CFAP100: variants seen among roughly 807,000 people sequenced by gnomAD.
The protein encoded by CFAP100 is cilia- and flagella-associated protein 100.
Under a neutral mutation model 81.5 loss-of-function variants are expected in CFAP100, and 70 were observed. The ratio of observed to expected loss-of-function variants is 0.86; its 90% CI spans 0.71 to 1.05. The LOEUF (loss-of-function observed/expected upper bound fraction) is 1.05, where lower values mean the gene tolerates loss of function less well. Ranked by LOEUF, CFAP100 falls within the 50% of genes least tolerant of loss-of-function variation. The pLI is 0.00. For missense variants in CFAP100, 811 were observed against 776.5 expected, an observed-to-expected ratio of 1.04 and a Z score of -0.53; for synonymous variants, 341 against 314.8, an observed-to-expected ratio of 1.08 and a Z score of -0.88.
In CFAP100 at chr3:126,419,987, G is replaced by T; in HGVS notation, c.921G>T (p.Gly307=). 1 of 1,613,114 alleles carries T rather than the reference G, an allele frequency of 6.2e-7. No homozygotes were observed. The highest frequency in any genetic ancestry group is 8.5e-7 in the Non-Finnish European group (1 of 1,179,960). Residue 307 remains glycine (G), a synonymous_variant, in exon 10 of 17, where the codon GGG becomes GGT. Coordinates refer to ENST00000352312, the MANE Select transcript of CFAP100 (RefSeq NM_182628.3). ...VNSTPGDKGP[G]IKGKASSMWA... ...CCCCTTTGCTTCCTGCAGGACCAGG[G>T]ATCAAGGGCAAGGCGAGCTCCATGT... is the stretch of plus-strand genomic sequence containing the variant.
At chr3:126,410,557 AG>A (rs900222999) in intron 3 of CFAP100, among the ~76,000 whole-genome samples, 113 of 151,614 alleles carry the variant, frequency 7.5e-4, no homozygotes, top group African/African-American at 2.6e-3. Flanking sequence ...GCTGGAGTGC[AG>A]TGGTGCCATC....
chr3:126,420,611 G>A (rs1560075611), intron 11 of CFAP100: 1 of 205,512 alleles, frequency 4.9e-6, no homozygotes, highest in Non-Finnish European at 9.9e-6. Flanking sequence ...CAGTGGATTG[G>A]GTGGTTTGCA....
chr3:126,418,978 C>T, intron 7 of CFAP100, 98 bp from the exon 8 acceptor site: 2 of 990,734 alleles, frequency 2.0e-6, no homozygotes, highest in South Asian at 1.7e-5. Context: ...GGAGCCGGGC[C>T]CAGCCCTGGG....
In CFAP100 at chr3:126,423,321, G is replaced by T; in HGVS notation, c.1083-4G>T. On this transcript the variant is annotated splice_region_variant and splice_polypyrimidine_tract_variant and intron_variant, in intron 11 of 16. Coordinates refer to ENST00000352312, the MANE Select transcript of CFAP100 (RefSeq NM_182628.3). ...AGAGTCCCGACCCTGCCATCTCTTC[G>T]CAGGTCGAACTCTCCCATCCCCCCC... The T allele has an allele frequency of 6.2e-7, 1 of 1,612,454 alleles. No homozygotes were observed. Among genetic ancestry groups the T allele is most frequent in the Admixed American group, 1.7e-5 (1 of 59,864 alleles).
At chr3:126,428,982 G>C (rs1395909981) in intron 13 of CFAP100, among the ~76,000 whole-genome samples, 1 of 151,902 alleles carries the variant, frequency 6.6e-6, no homozygotes, top group African/African-American at 2.4e-5. Context: ...GGTTGTGCAT[G>C]CCTGTAGTTC....
In CFAP100 at chr3:126,416,369, G is replaced by C; in HGVS notation, c.279G>C (p.Ser93=). The C allele has an allele frequency of 1.9e-6, 3 of 1,611,256 alleles. No homozygotes were observed. The highest frequency in any genetic ancestry group is 1.3e-5 in the African/African-American group (1 of 74,936). Residue 93 remains serine, a synonymous_variant, in exon 5 of 17, where the codon TCG becomes TCC. Transcript: ENST00000352312. ...MRVHQKMTYS[S]KVSAKHTSLR... ...TGCACCAGAAGATGACCTACTCCTC[G>C]AAAGTGTCGGCTAAGCACACCAGCC...
At chr3:126,433,506 T>C in intron 14 of CFAP100, 1 of 332,602 alleles carries the variant, frequency 3.0e-6, no homozygotes, top group East Asian at 6.4e-5. Flanking sequence ...AGGCGTGTCC[T>C]CAAGCCAGGC....
chr3:126,426,013 G>T (rs114808911), intron 13 of CFAP100, among the ~76,000 whole-genome samples: 5,145 of 152,252 alleles, frequency 0.034, 99 homozygotes, highest in Middle Eastern at 0.048. Flanking sequence ...AGGCAAAGAG[G>T]TCTTCTCTCA....
Position 126,434,359 on chromosome 3 carries a change from A to G in CFAP100, c.1606A>G (p.Lys536Glu). 1 of 1,613,816 alleles carries G rather than the reference A, an allele frequency of 6.2e-7. No individual in the cohort carries two copies. The highest frequency in any genetic ancestry group is 8.5e-7 in the Non-Finnish European group (1 of 1,179,928). ...QVKIEQAERA[K>E]EKERRIRLRE... ...CAAGATCGAGCAGGCCGAGAGGGCA[A>G]AGGAGAAGGAGCGGCGCATCAGGTG... is the stretch of plus-strand genomic sequence containing the variant. The change falls in exon 15 of 17, where the codon AAG becomes GAG. Residue 536 changes from lysine to glutamate, a missense_variant. Coordinates refer to ENST00000352312, the MANE Select transcript of CFAP100 (RefSeq NM_182628.3).
At chr3:126,418,329 C>T in intron 5 of CFAP100, 129 bp from the exon 6 acceptor site, 1 of 736,978 alleles carries the variant, frequency 1.4e-6, no homozygotes, top group South Asian at 1.6e-5. Flanking sequence ...CTTCCATGGT[C>T]CCGGTAGTCA....
At chr3:126,419,293 T>G (rs1023628433) in intron 8 of CFAP100, 137 bp downstream of exon 8, 1 of 634,782 alleles carries the variant, frequency 1.6e-6, no homozygotes, top group Non-Finnish European at 2.8e-6. Context: ...ATGAGGCTGT[T>G]GCCCATTTAT....
chr3:126,424,020 C>G (rs2107612531), intron 13 of CFAP100, among the ~76,000 whole-genome samples: 1 of 152,396 alleles, frequency 6.6e-6, no homozygotes, highest in Non-Finnish European at 1.5e-5. Flanking sequence ...ATGCTTCACA[C>G]AGGCACCGAA....
At chr3:126,426,910 T>A (rs1371252672) in intron 13 of CFAP100, among the ~76,000 whole-genome samples, 1 of 152,184 alleles carries the variant, frequency 6.6e-6, no homozygotes, top group Admixed American at 6.5e-5. Context: ...CACAATACCA[T>A]TTACATTAGC....
intron 2 of CFAP100, among the ~76,000 whole-genome samples, chr3:126,403,346 G>A (rs1299428549): frequency 2.0e-5 from 3 of 151,140 alleles, no homozygotes; most frequent in Non-Finnish European, 4.4e-5. Context: ...TGGAACTCAT[G>A]TCACATGAGT....
Position 126,403,080 on chromosome 3 carries a change from G to A in CFAP100, c.50-4092G>A, listed in dbSNP as rs75679772. 1.9e-3 allele frequency among the ~76,000 whole-genome samples: 292 copies of A among 152,250 alleles called. 2 individuals carry two copies. Among genetic ancestry groups the A allele is most frequent in the South Asian group, 3.9e-3 (19 of 4,814 alleles). The stretch of plus-strand genomic sequence containing the variant: ...CAAGGCCAGGGGTGGAGCAGGTTTC[G>A]CAGGAGGGGGAAGGCCAGGAGCTCA... On this transcript the variant is annotated intron_variant, in intron 2 of 16. Transcript: ENST00000352312.
intron 4 of CFAP100, 90 bp from the exon 5 acceptor site, chr3:126,416,226 C>CT: frequency 8.4e-7 from 1 of 1,192,278 alleles, no homozygotes; most frequent in Non-Finnish European, 1.2e-6. Flanking sequence ...CGCGCGCAAA[C>CT]CCGCGTCCCT....
intron 13 of CFAP100, among the ~76,000 whole-genome samples, chr3:126,430,446 GAATAT>G (rs1192191478): frequency 6.6e-6 from 1 of 152,000 alleles, no homozygotes; most frequent in Non-Finnish European, 1.5e-5. Context: ...TAAATTATAT[GAATAT>G]ATTACCACAG....
At chr3:126,406,246 G>C (rs764799562) in intron 2 of CFAP100, among the ~76,000 whole-genome samples, 1 of 152,020 alleles carries the variant, frequency 6.6e-6, no homozygotes, top group African/African-American at 2.4e-5. Flanking sequence ...CAAGACTCCC[G>C]CCATCTTCCT....
intron 13 of CFAP100, among the ~76,000 whole-genome samples, chr3:126,431,313 G>T (rs549769145): frequency 6.6e-6 from 1 of 152,264 alleles, no homozygotes; most frequent in East Asian, 1.9e-4. Flanking sequence ...AGTTACACCA[G>T]GGCTAAGGCA....
Sources: gnomAD v4.1 joint callset for allele counts (sites outside exome capture counted in the v4.1 genomes callset) on GRCh38, gnomAD v4.1.1 for gene constraint, MANE v1.5 for transcripts, NCBI Gene and HGNC (gene_info 2026-07-23, HGNC 2026-07-21) for gene names.